The following XKR4 variants were observed in gnomAD, a reference collection of about 807,000 sequenced individuals.
The protein encoded by XKR4 is XK related 4.
XKR4 carries 12 observed loss-of-function variants against 53.9 expected under a neutral mutation model. The observed-to-expected ratio is 0.22, with a 90% CI of 0.14 to 0.36. XKR4 has a LOEUF of 0.36. Ranked by LOEUF, XKR4 falls within the 10% of genes least tolerant of loss-of-function variation. XKR4 has a pLI of 1.00. For missense variants in XKR4, 799 were observed against 859.5 expected, an observed-to-expected ratio of 0.93 and a Z score of 0.88; for synonymous variants, 354 against 362.4, an observed-to-expected ratio of 0.98 and a Z score of 0.26.
intron 2 of XKR4, chr8:55,521,073 C>A (rs1806789413): frequency 6.6e-6 from 1 of 152,250 alleles, no homozygotes; most frequent in Non-Finnish European, 1.5e-5. Context: ...TTCCTGAAGG[C>A]GGCGCTGTGC....
In XKR4 at chr8:55,538,662, A is replaced by G. The variant is rs1389824083; in HGVS notation, c.*14435A>G. 6.6e-6 allele frequency: 1 copy of G among 152,196 alleles called. No individual in the cohort carries two copies. The highest frequency in any genetic ancestry group is 1.5e-5 in the Non-Finnish European group (1 of 68,050). The allele number at this position is 152,196 out of a possible 1,614,324, so 9.4% of individuals were successfully genotyped here. ...CACCCAGAAAACTTGTCTCCTCCTG[A>G]TGCCTGAGGGGTTTGCATGCCTGAT... On this transcript the variant is annotated 3_prime_UTR_variant, in exon 3 of 3. Coordinates refer to ENST00000327381, the MANE Select transcript of XKR4 (RefSeq NM_052898.2).
intron 2 of XKR4, among the ~76,000 whole-genome samples, chr8:55,391,040 G>A (rs1311455747): frequency 6.6e-6 from 1 of 152,076 alleles, no homozygotes; most frequent in Admixed American, 6.6e-5. Flanking sequence ...CAAAAAAAAT[G>A]GTTTGCATTC....
intron 2 of XKR4, among the ~76,000 whole-genome samples, chr8:55,415,775 A>G (rs1804837739): frequency 1.3e-5 from 2 of 152,212 alleles, no homozygotes; most frequent in Non-Finnish European, 2.9e-5. Context: ...AAACTAGATC[A>G]TTGTCTTGCG....
intron 1 of XKR4, among the ~76,000 whole-genome samples, chr8:55,245,451 G>A (rs1043617447): frequency 6.6e-6 from 1 of 152,120 alleles, no homozygotes; most frequent in Admixed American, 6.5e-5. Context: ...TAATCCTACT[G>A]TGTGGTATAG....
At position 55,470,812 on chromosome 8, in the gene XKR4, T is replaced by C. The variant is rs189626401; in HGVS notation, c.1007-52469T>C. On this transcript the variant is annotated intron_variant, in intron 2 of 2. Coordinates refer to ENST00000327381, the MANE Select transcript of XKR4 (RefSeq NM_052898.2). ...TGATCACTATAATAAGTAATTTACT[T>C]TGACAGACAAGGAAACTGAGGATCA... is the stretch of plus-strand genomic sequence containing the variant. Among the ~76,000 whole-genome samples, 231 of 152,208 alleles carry C rather than the reference T, an allele frequency of 1.5e-3. 1 individual carries two copies. Among genetic ancestry groups the C allele is most frequent in the Admixed American group, 0.014 (216 of 15,278 alleles).
At chr8:55,449,651 G>A in intron 2 of XKR4, 1 of 948,166 alleles carries the variant, frequency 1.1e-6, no homozygotes, top group Admixed American at 1.7e-5. Flanking sequence ...GGCACCCATG[G>A]TGGCCATGCC....
chr8:55,523,933 C>T lies in XKR4; in HGVS notation c.1659C>T (p.Arg553=), dbSNP rs1424196191. 6.2e-7 allele frequency: 1 copy of T among 1,614,216 alleles called. No individual in the cohort carries two copies. The highest frequency in any genetic ancestry group is 8.5e-7 in the Non-Finnish European group (1 of 1,180,040). The part of the protein sequence containing the change: ...TSTLRSISNN[R]SVVSDRDQKF... ...CCCTACGGTCCATCTCCAACAACCG[C>T]AGTGTTGTCAGCGACCGCGATCAGA... The change falls in exon 3 of 3, where the codon CGC becomes CGT. Residue 553 remains arginine (R), a synonymous_variant. Transcript: ENST00000327381.
At chr8:55,388,948 AC>A (rs1483890872) in intron 2 of XKR4, among the ~76,000 whole-genome samples, 97 of 152,304 alleles carry the variant, frequency 6.4e-4, no homozygotes, top group African/African-American at 2.3e-3. Context: ...TCAGAATGGG[AC>A]CTTATTCACA....
intron 2 of XKR4, among the ~76,000 whole-genome samples, chr8:55,471,913 G>A (rs1299260452): frequency 6.6e-6 from 1 of 152,130 alleles, no homozygotes; most frequent in East Asian, 1.9e-4. Flanking sequence ...ACAGCCTGCA[G>A]AACTGTGAGA....
In XKR4 at chr8:55,527,334, C is replaced by A. The variant is rs1806893300; in HGVS notation, c.*3107C>A. 6.6e-6 allele frequency: 1 copy of A among 152,218 alleles called. No individual in the cohort carries two copies. The highest frequency in any genetic ancestry group is 6.5e-5 in the Admixed American group (1 of 15,288). The allele number at this position is 152,218 out of a possible 1,614,324, so 9.4% of individuals were successfully genotyped here. A position where few individuals can be genotyped will look rare whatever the true frequency, so the allele number is the denominator to read the frequency against. ...TTGGAAATGCTGGGTTCCTTATCTG[C>A]AGGCTCCTTTCTGTGTCTGAGTCCA... On this transcript the variant is annotated 3_prime_UTR_variant, in exon 3 of 3. Coordinates refer to ENST00000327381, the MANE Select transcript of XKR4 (RefSeq NM_052898.2).
Position 55,524,197 on chromosome 8 carries a change from G to A in XKR4, c.1923G>A (p.Gln641=), listed in dbSNP as rs917500942. The stretch of plus-strand genomic sequence containing the variant: ...AGTACAAAGATGATGCCCTTATTCA[G>A]GAGCGGTTGGAGTACGAAACCACTT... ...RLQYKDDALI[Q]ERLEYETTL The change falls in exon 3 of 3, where the codon CAG becomes CAA. Residue 641 remains glutamine (Q), a synonymous_variant. Coordinates refer to ENST00000327381, the MANE Select transcript of XKR4 (RefSeq NM_052898.2). 4 of 1,613,980 alleles carry A rather than the reference G, an allele frequency of 2.5e-6. No homozygotes were observed. Among genetic ancestry groups the A allele is most frequent in the Middle Eastern group, 1.6e-4 (1 of 6,062 alleles).
At chr8:55,436,726 G>A (rs1160355927) in intron 2 of XKR4, among the ~76,000 whole-genome samples, 1 of 152,132 alleles carries the variant, frequency 6.6e-6, no homozygotes, top group Non-Finnish European at 1.5e-5. Context: ...CGGGATTCAG[G>A]GGCAACCACC....
At chr8:55,396,586 C>T (rs1285867550) in intron 2 of XKR4, among the ~76,000 whole-genome samples, 2 of 151,966 alleles carry the variant, frequency 1.3e-5, no homozygotes, top group African/African-American at 4.8e-5. Context: ...ATCTATTTCA[C>T]AGTCATAGTT....
chr8:55,461,892 AATG>A (rs1352782143), intron 2 of XKR4, among the ~76,000 whole-genome samples: 6 of 152,232 alleles, frequency 3.9e-5, no homozygotes, highest in Non-Finnish European at 8.8e-5. Flanking sequence ...AGATGAAATG[AATG>A]ATATGAAGCA....
intron 2 of XKR4, among the ~76,000 whole-genome samples, chr8:55,495,780 A>T (rs989012486): frequency 1.3e-5 from 2 of 151,950 alleles, no homozygotes; most frequent in Non-Finnish European, 2.9e-5. Flanking sequence ...AGCACAGGAG[A>T]CCCACCACTG....
At chr8:55,195,094 G>T (rs1246132803) in intron 1 of XKR4, among the ~76,000 whole-genome samples, 1 of 152,032 alleles carries the variant, frequency 6.6e-6, no homozygotes, top group Non-Finnish European at 1.5e-5. Flanking sequence ...TAAAAAGGGA[G>T]GGAAGAAATA....
intron 1 of XKR4, among the ~76,000 whole-genome samples, chr8:55,249,530 G>C (rs772808866): frequency 6.6e-5 from 10 of 152,170 alleles, no homozygotes; most frequent in Non-Finnish European, 1.5e-5. Context: ...CAAGTGCATG[G>C]TGCTGCTTAC....
intron 1 of XKR4, among the ~76,000 whole-genome samples, chr8:55,294,252 A>G (rs115957982): frequency 6.3e-4 from 96 of 152,282 alleles, no homozygotes; most frequent in African/African-American, 2.2e-3. Context: ...CTTAATTTAA[A>G]TTTTATCTTC....
At chr8:55,365,873 C>G (rs887800406) in intron 2 of XKR4, among the ~76,000 whole-genome samples, 1 of 152,170 alleles carries the variant, frequency 6.6e-6, no homozygotes, top group Admixed American at 6.5e-5. Flanking sequence ...GCTCAGACCT[C>G]TAGGGAAGGG....
Sources: allele counts gnomAD v4.1 joint callset (sites outside exome capture counted in the v4.1 genomes callset), GRCh38; gene constraint gnomAD v4.1.1; transcripts MANE v1.5; gene names NCBI Gene and HGNC (gene_info 2026-07-23, HGNC 2026-07-21).